CIZ1: variants seen among roughly 807,000 people sequenced by gnomAD.
CIZ1 encodes cip1-interacting zinc finger protein.
CIZ1 carries 58 observed loss-of-function variants against 118.6 expected under a neutral mutation model. That is an observed-to-expected ratio of 0.49 (90% confidence interval 0.40 to 0.61). CIZ1 has a LOEUF of 0.61. CIZ1 is among the 20% of genes least tolerant of loss of function. The probability of loss-of-function intolerance (pLI) is 0.00; values close to 1 mark genes in which losing one functional copy is unlikely to be tolerated. For missense variants in CIZ1, 921 were observed against 1,115.9 expected (o/e 0.83, Z 2.49); for synonymous variants, 448 against 443.4 (o/e 1.01, Z -0.13).
At chr9:128,188,117 CA>C (rs34796767) in intron 3 of CIZ1, among the ~76,000 whole-genome samples, 183 bp from the exon 4 acceptor site, 15,606 of 104,614 alleles carry the variant, frequency 0.15, 2,082 homozygotes, top group East Asian at 0.5. Context: ...AAGAAAAAAG[CA>C]AAAAAAAAAA....
rs749765483 is a variant in CIZ1, at chr9:128,178,783, G to A, written c.1424C>T (p.Ala475Val). 1.9e-6 allele frequency: 3 copies of A among 1,614,158 alleles called. No individual in the cohort carries two copies. The highest frequency in any genetic ancestry group is 1.7e-5 in the Admixed American group (1 of 60,010). ...PHTQPQVSLL[A>V]PEQTPVVVHV... ...AACCACAACTGGTGTTTGCTCTGGA[G>A]CCAGCAACGACACCTGCGGCTGGGT... Residue 475 changes from alanine to valine, a missense_variant, in exon 8 of 17, where the codon GCT becomes GTT. Ala to Val is a moderately conservative substitution (Grantham distance 64). Coordinates refer to ENST00000372938, the MANE Select transcript of CIZ1 (RefSeq NM_001131016.2).
In CIZ1 at chr9:128,203,570, A is replaced by C; in HGVS notation, c.-6+616T>G. ...GAACGCGGACCTCGACCTGCCGCAG[A>C]TCGCTGTGGTGGGCGGCCAGAGCGC... On this transcript the variant is annotated intron_variant, in intron 1 of 17. Coordinates refer to the CIZ1 transcript ENST00000372948. This position sits in a 1 kb window ranked among gnomAD's most constrained non-coding sequence, Gnocchi z 5.3. The C allele has an allele frequency of 6.4e-7, 1 of 1,551,102 alleles. No homozygotes were observed. Among genetic ancestry groups the C allele is most frequent in the Non-Finnish European group, 8.7e-7 (1 of 1,152,026 alleles).
At chr9:128,173,773 A>T (rs543349290) in intron 11 of CIZ1, among the ~76,000 whole-genome samples, 4 of 151,932 alleles carry the variant, frequency 2.6e-5, no homozygotes, top group African/African-American at 4.8e-5. Context: ...TTGGGAGGCC[A>T]AGGCGGGCAG....
In CIZ1 at chr9:128,188,117, C is replaced by A. The variant is rs199907593; in HGVS notation, c.287-183G>T. ...AAAAAAAGCAAAAGAAAGAAAAAAG[C>A]AAAAAAAAAAAAAGGAAAGAGCCAA... is the stretch of plus-strand genomic sequence containing the variant. On this transcript the variant is annotated intron_variant, in intron 3 of 16. Transcript: ENST00000372938. 2.5e-3 allele frequency among the ~76,000 whole-genome samples: 256 copies of A among 104,434 alleles called. No individual in the cohort carries two copies. Among genetic ancestry groups the A allele is most frequent in the Non-Finnish European group, 3.4e-3 (178 of 51,628 alleles). The allele number at this position is 104,434 out of a possible 152,430, so 68.5% of individuals were successfully genotyped here. A position where few individuals can be genotyped will look rare whatever the true frequency, so the allele number is the denominator to read the frequency against.
intron 13 of CIZ1, 46 bp from the exon 14 acceptor site, chr9:128,169,247 AG>A (rs768274610): frequency 1.5e-5 from 24 of 1,595,626 alleles, no homozygotes; most frequent in Non-Finnish European, 2.0e-5. Context: ...CTGAACAGCC[AG>A]GGGGCCATGC....
At position 128,185,658 on chromosome 9, in the gene CIZ1, C is replaced by T; in HGVS notation, c.477G>A (p.Leu159=). ...GGACCCCAACAGGAGGAGGTCCCAG[C>T]AAGGACTGGCGAGTGGCCTGGGGAA... The part of the protein sequence containing the change: ...QFFPQATRQS[L]LGPPPVGVPM... The change falls in exon 5 of 17, where the codon TTG becomes TTA. Residue 159 remains leucine, a synonymous_variant. Coordinates refer to ENST00000372938, the MANE Select transcript of CIZ1 (RefSeq NM_001131016.2). The T allele has an allele frequency of 5.0e-6, 8 of 1,591,968 alleles. No homozygotes were observed. Among genetic ancestry groups the T allele is most frequent in the Non-Finnish European group, 6.0e-6 (7 of 1,168,284 alleles).
intron 2 of CIZ1, 105 bp downstream of exon 2, chr9:128,190,583 G>T: frequency 1.4e-6 from 2 of 1,427,846 alleles, no homozygotes; most frequent in Non-Finnish European, 1.9e-6. Flanking sequence ...TGATCTCCAG[G>T]ACTCAAACGG....
chr9:128,190,822 T>TAAC lies in CIZ1; in HGVS notation c.35_36insGTT (p.Gln12_Gln13insLeu), dbSNP rs571494393. The TAAC allele has an allele frequency of 2.0e-5, 30 of 1,537,742 alleles. No homozygotes were observed. Among genetic ancestry groups the TAAC allele is most frequent in the Middle Eastern group, 2.1e-4 (1 of 4,846 alleles). On this transcript the variant is annotated inframe_insertion, in exon 2 of 17. Transcript: ENST00000372938. ...GTAACTGCTGGAGCTGCTGCTGCTG[T>TAAC]TGCTGGAGCTGCTGCTGCTGCTGCT...
At position 128,180,363 on chromosome 9, in the gene CIZ1, G is replaced by A. The variant is rs374367111; in HGVS notation, c.791+52C>T. 113 of 1,370,248 alleles carry A rather than the reference G, an allele frequency of 8.2e-5. No homozygotes were observed. In the Middle Eastern group the frequency reaches 2.3e-3, roughly 28 times the overall value. The allele number at this position is 1,370,248 out of a possible 1,614,324, so 84.9% of individuals were successfully genotyped here. On this transcript the variant is annotated intron_variant, in intron 7 of 16. Coordinates refer to ENST00000372938, the MANE Select transcript of CIZ1 (RefSeq NM_001131016.2). ...GCCATTGCCACCCCTGCCTTTGCAG[G>A]AATGAGAGCACAGGGCACCCGGGCG...
At position 128,203,495 on chromosome 9, in the gene CIZ1, C is replaced by A; in HGVS notation, c.-6+691G>T. ...CATGGGCAACCGCGGCATGGAAGAT[C>A]TCATCCCGCTGGTCAACCGGCTGCA... On this transcript the variant is annotated intron_variant, in intron 1 of 17. Coordinates refer to the CIZ1 transcript ENST00000372948. The surrounding 1 kb of genome is among the most constrained non-coding windows in gnomAD (Gnocchi z 5.3). 6.5e-7 allele frequency: 1 copy of A among 1,530,574 alleles called. No individual in the cohort carries two copies. Among genetic ancestry groups the A allele is most frequent in the Non-Finnish European group, 8.8e-7 (1 of 1,142,082 alleles). The allele number at this position is 1,530,574 out of a possible 1,614,324, so 94.8% of individuals were successfully genotyped here.
intron 4 of CIZ1, 103 bp downstream of exon 4, chr9:128,187,760 A>C: frequency 2.8e-6 from 1 of 361,966 alleles, no homozygotes; most frequent in Non-Finnish European, 5.1e-6. Flanking sequence ...TTGCACTAGC[A>C]CTCTAAGAAA....
chr9:128,175,668 A>G (rs1464100428), intron 11 of CIZ1, among the ~76,000 whole-genome samples: 1 of 152,238 alleles, frequency 6.6e-6, no homozygotes, highest in African/African-American at 2.4e-5. Flanking sequence ...ACTAGCTGTT[A>G]ACATTTTGAA....
chr9:128,178,838 G>A lies in CIZ1; in HGVS notation c.1369C>T (p.Pro457Ser). 1.2e-6 allele frequency: 2 copies of A among 1,614,190 alleles called. No homozygotes were observed. The highest frequency in any genetic ancestry group is 1.7e-6 in the Non-Finnish European group (2 of 1,180,014). The part of the protein sequence containing the change: ...EHPPAQVSVQ[P>S]PEQTHEQPHT... Reference sequence around the variant, plus strand: ...GGCTGCTCATGGGTCTGCTCTGGTGGCTGTACTGACACCTGCGCTGGAGGA... The same window carrying A: ...GGCTGCTCATGGGTCTGCTCTGGTGACTGTACTGACACCTGCGCTGGAGGA... Residue 457 changes from proline (P) to serine (S), a missense_variant, in exon 8 of 17, where the codon CCA becomes TCA. By Grantham distance (74) the Pro-to-Ser change is moderately conservative. Transcript: ENST00000372938.
rs770857641 is a variant in CIZ1, at chr9:128,203,594, G to A, written c.-6+592C>T. On this transcript the variant is annotated intron_variant, in intron 1 of 17. Coordinates refer to the CIZ1 transcript ENST00000372948. The surrounding 1 kb of genome is among the most constrained non-coding windows in gnomAD (Gnocchi z 5.3). ...GATCGCTGTGGTGGGCGGCCAGAGC[G>A]CCGGCAAGAGCTCGGTGCTCGAGAA... The A allele has an allele frequency of 6.5e-7, 1 of 1,550,308 alleles. No individual in the cohort carries two copies. The highest frequency in any genetic ancestry group is 8.7e-7 in the Non-Finnish European group (1 of 1,152,860).
At chr9:128,169,540 C>A in intron 12 of CIZ1, 21 bp from the exon 13 acceptor site, 1 of 1,612,556 alleles carries the variant, frequency 6.2e-7, no homozygotes. Flanking sequence ...GCAGGCCAAC[C>A]AAGCAGTGTC....
At chr9:128,171,193 A>G (rs1374305251) in intron 11 of CIZ1, among the ~76,000 whole-genome samples, 1 of 152,188 alleles carries the variant, frequency 6.6e-6, no homozygotes, top group Non-Finnish European at 1.5e-5. Flanking sequence ...GCACTTTGGG[A>G]GGCTGAGGCA....
chr9:128,197,912 G>T (rs1428288749), intron 1 of CIZ1: 1 of 152,212 alleles, frequency 6.6e-6, no homozygotes, highest in Non-Finnish European at 1.5e-5. Flanking sequence ...TACAGATGAA[G>T]AAACTGAAGC....
upstream of CIZ1, among the ~76,000 whole-genome samples, chr9:128,194,316 CGTA>C (rs1256778879): frequency 2.1e-5 from 3 of 139,644 alleles, no homozygotes; most frequent in East Asian, 2.1e-4. Flanking sequence ...GAGCCAAGAT[CGTA>C]CCATTGCACT....
At chr9:128,180,105 A>G (rs543466110) in intron 7 of CIZ1, among the ~76,000 whole-genome samples, 3 of 152,274 alleles carry the variant, frequency 2.0e-5, no homozygotes, top group African/African-American at 7.2e-5. Context: ...ACTTGCTGAC[A>G]TGTATCCAAT....
Sources: gnomAD v4.1 joint callset for allele counts (sites outside exome capture counted in the v4.1 genomes callset) on GRCh38, gnomAD v4.1.1 for gene constraint, Gnocchi (gnomAD v3.1) non-coding constraint, MANE v1.5 for transcripts, NCBI Gene and HGNC (gene_info 2026-07-23, HGNC 2026-07-21) for gene names.